SLC30A6: variants seen among roughly 807,000 people sequenced by gnomAD.
The protein encoded by SLC30A6 is zinc transporter 6.
A neutral mutation model predicts 63.0 loss-of-function variants in SLC30A6; 55 were observed. The observed-to-expected ratio is 0.87, with a 90% CI of 0.70 to 1.09. The LOEUF is 1.09. Ranked by LOEUF, SLC30A6 falls within the 50% of genes least tolerant of loss-of-function variation. The pLI, the probability that SLC30A6 is intolerant of heterozygous loss-of-function variation, is 0.00. For synonymous variants in SLC30A6, 224 were observed against 186.1 expected, an observed-to-expected ratio of 1.20 and a Z score of -1.66; for missense variants, 587 against 549.2, an observed-to-expected ratio of 1.07 and a Z score of -0.69.
chr2:32,192,808 A>T, intron 6 of SLC30A6, 110 bp from the exon 7 acceptor site: 1 of 638,354 alleles, frequency 1.6e-6, no homozygotes, highest in Non-Finnish European at 2.5e-6. Context: ...GTTAATAGTT[A>T]TAATATTAAA....
intron 4 of SLC30A6, among the ~76,000 whole-genome samples, chr2:32,176,380 C>G (rs1681739745): frequency 6.6e-6 from 1 of 151,990 alleles, no homozygotes; most frequent in Non-Finnish European, 1.5e-5. Context: ...TTTATTTGGC[C>G]AGGCTTAGTG....
chr2:32,187,883 C>G (rs1468999802), intron 5 of SLC30A6, among the ~76,000 whole-genome samples: 1 of 152,138 alleles, frequency 6.6e-6, no homozygotes. Flanking sequence ...AGAATTACCC[C>G]CCAATCCCAT....
At chr2:32,193,299 G>A (rs1356263431) in intron 7 of SLC30A6, among the ~76,000 whole-genome samples, 2 of 152,002 alleles carry the variant, frequency 1.3e-5, no homozygotes, top group Non-Finnish European at 2.9e-5. Context: ...AGAATTGGAC[G>A]AGGCTCAGGG....
chr2:32,176,168 A>G (rs191281547), intron 4 of SLC30A6, among the ~76,000 whole-genome samples: 1 of 152,158 alleles, frequency 6.6e-6, no homozygotes, highest in Non-Finnish European at 1.5e-5. Context: ...ATTATAATTC[A>G]TACAGAGAGT....
intron 13 of SLC30A6, chr2:32,214,538 G>T (rs1222570450): frequency 6.6e-6 from 1 of 152,042 alleles, no homozygotes; most frequent in Non-Finnish European, 1.5e-5. Flanking sequence ...TCCAATTTGA[G>T]TATATGTGCT....
At chr2:32,179,640 G>A (rs1297406442) in intron 4 of SLC30A6, among the ~76,000 whole-genome samples, 2 of 152,048 alleles carry the variant, frequency 1.3e-5, no homozygotes, top group Non-Finnish European at 2.9e-5. Context: ...TAAAATCAAA[G>A]CATTTTATGG....
chr2:32,212,583 CTTTTTT>C (rs1193348947), intron 13 of SLC30A6, among the ~76,000 whole-genome samples: 2 of 83,022 alleles, frequency 2.4e-5, no homozygotes, highest in East Asian at 3.1e-4. Flanking sequence ...CCATTTTTAC[CTTTTTT>C]TTTTTTTTTT....
chr2:32,184,682 T>A (rs1292657535), intron 5 of SLC30A6, among the ~76,000 whole-genome samples: 2 of 152,112 alleles, frequency 1.3e-5, no homozygotes, highest in African/African-American at 2.4e-5. Flanking sequence ...GGAGAATCGC[T>A]GGAACCCAGG....
chr2:32,184,317 C>G lies in SLC30A6; in HGVS notation c.263C>G (p.Pro88Arg), dbSNP rs1231932072. 7 of 1,513,078 alleles carry G rather than the reference C, an allele frequency of 4.6e-6. No homozygotes were observed. The Admixed American group carries it at 7.7e-5, about 17-fold the overall frequency. The allele number at this position is 1,513,078 out of a possible 1,614,324, so 93.7% of individuals were successfully genotyped here. ...AGTTACTGGGTAACATTGAGGAAAC[C>G]TAGCCCTGTCTATTCATTTGGGTAA... ...LISYWVTLRK[P>R]SPVYSFGFER... The change falls in exon 5 of 14, where the codon CCT becomes CGT. Residue 88 changes from proline to arginine, a missense_variant. Pro to Arg is a moderately radical substitution (Grantham distance 103). Transcript: ENST00000282587.
At chr2:32,184,393 A>G in intron 5 of SLC30A6, 55 bp downstream of exon 5, 2 of 980,810 alleles carry the variant, frequency 2.0e-6, no homozygotes. Context: ...AATATTATTT[A>G]TAGTAGACGA....
At chr2:32,168,539 T>G (rs1680890561) in intron 1 of SLC30A6, among the ~76,000 whole-genome samples, 1 of 151,966 alleles carries the variant, frequency 6.6e-6, no homozygotes, top group Non-Finnish European at 1.5e-5. Flanking sequence ...GTTGAAGGCT[T>G]TACTTTGGTT....
At chr2:32,174,366 A>G (rs766199439) in intron 3 of SLC30A6, among the ~76,000 whole-genome samples, 20 of 152,040 alleles carry the variant, frequency 1.3e-4, no homozygotes, top group Middle Eastern at 6.8e-3. Flanking sequence ...TTTAAAATAT[A>G]TTTTAAAACA....
chr2:32,204,122 A>T, intron 10 of SLC30A6: 3 of 385,372 alleles, frequency 7.8e-6, no homozygotes, highest in Non-Finnish European at 9.3e-6. Context: ...TAAATTGGTC[A>T]TATTTTTTTA....
chr2:32,171,370 A>C lies in SLC30A6; in HGVS notation c.87A>C (p.Arg29=). 6.2e-7 allele frequency: 1 copy of C among 1,612,898 alleles called. No homozygotes were observed. The highest frequency in any genetic ancestry group is 8.5e-7 in the Non-Finnish European group (1 of 1,179,036). ...AATTTAGACTTGTAGCAGCTGACCG[A>C]AGGGTAAGTTATTCCTTAACCCCAA... ...LREFRLVAAD[R]RSWKILLFGV... The change falls in exon 2 of 14, where the codon CGA becomes CGC. Residue 29 remains arginine (R), a synonymous_variant. Transcript: ENST00000282587.
At chr2:32,177,944 ATTTTTTTTT>A (rs1042062133) in intron 4 of SLC30A6, among the ~76,000 whole-genome samples, 23 of 120,472 alleles carry the variant, frequency 1.9e-4, no homozygotes, top group Non-Finnish European at 5.3e-5. Flanking sequence ...TTTTGAGTTA[ATTTTTTTTT>A]TTTTTTTTTT....
rs1686304125 is a variant in SLC30A6, at chr2:32,224,339, A to G, written c.*3626A>G. ...GAGAGCTAAGACACAAAACTGTTGC[A>G]TGTTTTTAATCATCAAATTAAACTT... On this transcript the variant is annotated 3_prime_UTR_variant, in exon 14 of 14. Transcript: ENST00000282587. 3.2e-6 allele frequency: 2 copies of G among 627,070 alleles called. No individual in the cohort carries two copies. The highest frequency in any genetic ancestry group is 3.3e-5 in the Admixed American group (1 of 30,720). 38.8% of individuals were successfully genotyped at this position (627,070 alleles called of 1,614,324 possible).
intron 13 of SLC30A6, among the ~76,000 whole-genome samples, chr2:32,209,930 A>T (rs1487449718): frequency 1.3e-5 from 2 of 152,140 alleles, no homozygotes; most frequent in Admixed American, 1.3e-4. Flanking sequence ...AGAAAATGTT[A>T]AAAAAAATTA....
intron 12 of SLC30A6, 108 bp from the exon 13 acceptor site, chr2:32,209,385 A>C: frequency 1.3e-6 from 1 of 772,866 alleles, no homozygotes; most frequent in East Asian, 2.8e-5. Flanking sequence ...GTCCTTGTGC[A>C]GGATTTGGCT....
chr2:32,175,539 A>G (rs188953456), intron 4 of SLC30A6, among the ~76,000 whole-genome samples, 178 bp downstream of exon 4: 14 of 152,382 alleles, frequency 9.2e-5, no homozygotes, highest in Non-Finnish European at 1.5e-4. Context: ...TTTCATTTAT[A>G]TGAAATGTCC....
Sources: gnomAD v4.1 joint callset for allele counts (sites outside exome capture counted in the v4.1 genomes callset) on GRCh38, gnomAD v4.1.1 for gene constraint, MANE v1.5 for transcripts, NCBI Gene and HGNC (gene_info 2026-07-23, HGNC 2026-07-21) for gene names.